NOX4: variants seen among roughly 807,000 people sequenced by gnomAD.
The protein encoded by NOX4 is kidney oxidase-1.
A neutral mutation model predicts 87.6 loss-of-function variants in NOX4; 69 were observed. That is an observed-to-expected ratio of 0.79 (90% CI 0.65 to 0.96). The LOEUF (loss-of-function observed/expected upper bound fraction) is 0.96, where lower values mean the gene tolerates loss of function less well. Among genes scored for constraint, NOX4 ranks in the 40% least tolerant of loss-of-function variants. NOX4 has a pLI of 0.00. For synonymous variants in NOX4, 275 were observed against 238.2 expected, an observed-to-expected ratio of 1.15 and a Z score of -1.42; for missense variants, 680 against 681.5, an observed-to-expected ratio of 1.00 and a Z score of 0.02.
the NOX4 span, among the ~76,000 whole-genome samples, chr11:89,540,614 C>T: frequency 1.3e-5 from 2 of 151,252 alleles, no homozygotes; most frequent in African/African-American, 4.8e-5. Context: ...GGTGAAATCC[C>T]GTCTCTACTA....
intron 6 of NOX4, among the ~76,000 whole-genome samples, chr11:89,438,797 ATATAT>A (rs1944259139): frequency 1.7e-5 from 1 of 58,666 alleles, no homozygotes; most frequent in Non-Finnish European, 2.8e-5. Flanking sequence ...ATAGTGTATA[ATATAT>A]TATATATTAT....
intron 7 of NOX4, among the ~76,000 whole-genome samples, chr11:89,430,708 CACAA>C (rs1469942826): frequency 6.6e-6 from 1 of 152,078 alleles, no homozygotes; most frequent in African/African-American, 2.4e-5. Flanking sequence ...TAAAAGAGGA[CACAA>C]ACAAATGGAA....
intron 12 of NOX4, among the ~76,000 whole-genome samples, chr11:89,362,744 T>C (rs1248250355): frequency 3.3e-5 from 5 of 151,994 alleles, no homozygotes; most frequent in African/African-American, 1.2e-4. Context: ...CCCCATATTA[T>C]AGATCTTGGA....
intron 4 of NOX4, among the ~76,000 whole-genome samples, chr11:89,447,748 T>C (rs957511981): frequency 6.6e-6 from 1 of 152,076 alleles, no homozygotes; most frequent in Non-Finnish European, 1.5e-5. Flanking sequence ...GGTTTCCTGA[T>C]CCTCCTCCAT....
intron 2 of NOX4, among the ~76,000 whole-genome samples, chr11:89,466,652 T>C (rs1356275275): frequency 6.6e-6 from 1 of 152,202 alleles, no homozygotes; most frequent in Non-Finnish European, 1.5e-5. Flanking sequence ...TAAAATTCCC[T>C]TTCCCTTAGG....
chr11:89,555,270 G>A, the NOX4 span, among the ~76,000 whole-genome samples: 2 of 152,100 alleles, frequency 1.3e-5, no homozygotes, highest in Non-Finnish European at 2.9e-5. Context: ...GATTGCTTGA[G>A]CCTAGGAATT....
the NOX4 span, among the ~76,000 whole-genome samples, chr11:89,531,462 G>A: frequency 3.0e-4 from 46 of 152,220 alleles, no homozygotes; most frequent in Middle Eastern, 3.4e-3. Flanking sequence ...GAGTGAACTT[G>A]GTAGTCACTT....
At chr11:89,547,737 C>G in the NOX4 span, among the ~76,000 whole-genome samples, 1 of 152,096 alleles carries the variant, frequency 6.6e-6, no homozygotes, top group African/African-American at 2.4e-5. Context: ...AACTCAGAGG[C>G]TCTACTTTAA....
chr11:89,538,567 T>C, the NOX4 span, among the ~76,000 whole-genome samples: 2 of 152,148 alleles, frequency 1.3e-5, no homozygotes, highest in Admixed American at 1.3e-4. Context: ...ATTAAATGAA[T>C]TTGGAACACT....
chr11:89,375,187 G>C (rs962988260), intron 11 of NOX4, among the ~76,000 whole-genome samples: 12 of 152,210 alleles, frequency 7.9e-5, no homozygotes, highest in East Asian at 7.7e-4. Flanking sequence ...GCTAACAGTA[G>C]TATAAAATAT....
the NOX4 span, among the ~76,000 whole-genome samples, chr11:89,508,444 C>G: frequency 1.3e-5 from 2 of 152,026 alleles, no homozygotes; most frequent in African/African-American, 2.4e-5. Flanking sequence ...TTGAGCCTTT[C>G]TAAGATTACT....
At chr11:89,389,680 C>G (rs1365007314) in intron 11 of NOX4, among the ~76,000 whole-genome samples, 1 of 152,050 alleles carries the variant, frequency 6.6e-6, no homozygotes, top group Non-Finnish European at 1.5e-5. Context: ...TTTCTGACTC[C>G]AGCAACATAG....
intron 2 of NOX4, among the ~76,000 whole-genome samples, chr11:89,475,540 G>A (rs933259864): frequency 3.3e-5 from 5 of 151,952 alleles, no homozygotes; most frequent in Non-Finnish European, 7.4e-5. Flanking sequence ...GGCTTAGGAT[G>A]GAATCTTTCA....
At position 89,424,335 on chromosome 11, in the gene NOX4, C is replaced by T. The variant is rs148377703; in HGVS notation, c.549-2353G>A. On this transcript the variant is annotated intron_variant, in intron 7 of 17. Coordinates refer to ENST00000263317, the MANE Select transcript of NOX4 (RefSeq NM_016931.5). ...ACTTGGTGTTAACACCAAATTTTTC[C>T]GTAATTCTCTTGGATTCTCTTAGAA... is the stretch of plus-strand genomic sequence containing the variant. Among the ~76,000 whole-genome samples the T allele has an allele frequency of 9.3e-4, 139 of 150,150 alleles. 2 individuals are homozygous for T. The Middle Eastern group carries it at 0.011, about 12-fold the overall frequency.
intron 11 of NOX4, among the ~76,000 whole-genome samples, chr11:89,395,673 T>G (rs1217519170): frequency 2.0e-5 from 3 of 152,196 alleles, no homozygotes; most frequent in African/African-American, 4.8e-5. Flanking sequence ...CTTGAATTAA[T>G]TTTTGTATAA....
intron 2 of NOX4, among the ~76,000 whole-genome samples, chr11:89,462,378 T>C (rs998228627): frequency 3.1e-4 from 47 of 152,234 alleles, no homozygotes; most frequent in African/African-American, 1.1e-3. Context: ...GACTTTCAAA[T>C]GTATGCAGAA....
chr11:89,424,162 C>G (rs567109454), intron 7 of NOX4, among the ~76,000 whole-genome samples: 2 of 151,818 alleles, frequency 1.3e-5, no homozygotes, highest in Non-Finnish European at 2.9e-5. Context: ...TCTTAGTGAA[C>G]ATATATCTTT....
intron 7 of NOX4, among the ~76,000 whole-genome samples, chr11:89,424,578 T>C (rs1192211091): frequency 1.3e-5 from 2 of 152,000 alleles, no homozygotes; most frequent in Admixed American, 6.6e-5. Context: ...TACTGGCTTT[T>C]ATATTTTTTA....
At chr11:89,362,303 A>T (rs555576227) in intron 12 of NOX4, among the ~76,000 whole-genome samples, 23 of 152,154 alleles carry the variant, frequency 1.5e-4, no homozygotes, top group African/African-American at 5.3e-4. Context: ...ATGCATGTGC[A>T]TGTGTTTAAG....
Sources: gnomAD v4.1 joint callset for allele counts (sites outside exome capture counted in the v4.1 genomes callset) on GRCh38, gnomAD v4.1.1 for gene constraint, MANE v1.5 for transcripts, NCBI Gene and HGNC (gene_info 2026-07-23, HGNC 2026-07-21) for gene names.